The following GMDS variants were observed in gnomAD, a reference collection of about 807,000 sequenced individuals.
GMDS encodes GDP-mannose 4,6 dehydratase.
In GMDS, 20 loss-of-function variants were observed where a neutral mutation model predicts 49.9. The observed-to-expected ratio is 0.40, with a 90% CI of 0.28 to 0.58. The LOEUF (loss-of-function observed/expected upper bound fraction) is 0.58. GMDS is among the 20% of genes least tolerant of loss of function. GMDS has a pLI of 0.42. For missense variants in GMDS, 362 were observed against 481.4 expected, an observed-to-expected ratio of 0.75 and a Z score of 2.32; for synonymous variants, 177 against 178.6, an observed-to-expected ratio of 0.99 and a Z score of 0.07.
At chr6:1,637,504 C>T (rs1395162156) in intron 9 of GMDS, among the ~76,000 whole-genome samples, 1 of 152,244 alleles carries the variant, frequency 6.6e-6, no homozygotes, top group Non-Finnish European at 1.5e-5. Context: ...GGTGCTTATG[C>T]TCTCTCGTGG....
intron 2 of GMDS, among the ~76,000 whole-genome samples, chr6:2,120,648 T>A (rs900129936): frequency 2.0e-5 from 3 of 152,200 alleles, no homozygotes; most frequent in Non-Finnish European, 4.4e-5. Context: ...ACTTCTCTGG[T>A]TTTCCTCTGT....
At chr6:1,774,803 G>C (rs533546062) in intron 7 of GMDS, among the ~76,000 whole-genome samples, 17 of 152,354 alleles carry the variant, frequency 1.1e-4, no homozygotes, top group East Asian at 7.7e-4. Flanking sequence ...TCATCTGATT[G>C]AATCAGTGTG....
At chr6:1,991,829 G>A (rs1182228037) in intron 4 of GMDS, among the ~76,000 whole-genome samples, 1 of 152,202 alleles carries the variant, frequency 6.6e-6, no homozygotes, top group East Asian at 1.9e-4. Flanking sequence ...AGTCATACAG[G>A]GGTAGGGTTG....
intron 9 of GMDS, among the ~76,000 whole-genome samples, chr6:1,671,607 T>C (rs1224253942): frequency 6.6e-6 from 1 of 151,992 alleles, no homozygotes; most frequent in Non-Finnish European, 1.5e-5. Flanking sequence ...TCCCTAAGTA[T>C]GTATAAGATA....
intron 7 of GMDS, among the ~76,000 whole-genome samples, chr6:1,858,363 C>T (rs1758033363): frequency 6.6e-6 from 1 of 152,014 alleles, no homozygotes; most frequent in Non-Finnish European, 1.5e-5. Context: ...TGCTGTTAAC[C>T]TTACTTTATA....
rs1318836311 is a variant in GMDS, at chr6:1,833,023, C to A, written c.772-90437G>T. 1.3e-5 allele frequency among the ~76,000 whole-genome samples: 2 copies of A among 151,820 alleles called. No homozygotes were observed. Among genetic ancestry groups the A allele is most frequent in the African/African-American group, 4.8e-5 (2 of 41,310 alleles). On this transcript the variant is annotated intron_variant, in intron 7 of 10. Coordinates refer to ENST00000380815, the MANE Select transcript of GMDS (RefSeq NM_001500.4). This position sits in a 1 kb window ranked among gnomAD's most constrained non-coding sequence, Gnocchi z 4.4. ...TAGTAGCACTGAGTGCAACCACTGT[C>A]AGTTTTGTGGGGTTGGCCTCTGATC...
rs569739083 is a variant in GMDS, at chr6:1,726,866, TAATA to T, written c.891-358_891-355del. ...TCTTGGTCAATTCATTATTATTAAT[TAATA>T]AATTATTATAAATTAATTAATATAA... On this transcript the variant is annotated intron_variant, in intron 8 of 10. Transcript: ENST00000380815. Among the ~76,000 whole-genome samples the T allele has an allele frequency of 1.6e-4, 25 of 151,844 alleles. No homozygotes were observed. In the South Asian group the frequency reaches 4.8e-3, roughly 29 times the overall value.
chr6:1,952,098 C>T, intron 6 of GMDS: 1 of 499,802 alleles, frequency 2.0e-6, no homozygotes, highest in South Asian at 8.6e-5. Flanking sequence ...CCTTGGACAA[C>T]TCAATCTCAT....
chr6:1,991,492 T>TA (rs1361670819), intron 4 of GMDS, among the ~76,000 whole-genome samples: 6 of 152,148 alleles, frequency 3.9e-5, no homozygotes, highest in Non-Finnish European at 8.8e-5. Flanking sequence ...ACCAGGCTCT[T>TA]AGGAGGGTGG....
At chr6:2,239,202 G>A (rs1272169266) in intron 1 of GMDS, among the ~76,000 whole-genome samples, 16 of 151,898 alleles carry the variant, frequency 1.1e-4, no homozygotes, top group East Asian at 5.8e-4. Context: ...GGTAGCGCAC[G>A]CCTGTAATCC....
intron 1 of GMDS, among the ~76,000 whole-genome samples, chr6:2,199,873 A>AT (rs1779430317): frequency 6.6e-6 from 1 of 152,230 alleles, no homozygotes; most frequent in South Asian, 2.1e-4. Flanking sequence ...ATATTTATCA[A>AT]AAATAAATAA....
At chr6:1,709,545 A>T (rs1226422523) in intron 9 of GMDS, among the ~76,000 whole-genome samples, 1 of 152,210 alleles carries the variant, frequency 6.6e-6, no homozygotes, top group African/African-American at 2.4e-5. Context: ...AACATCTCAG[A>T]GGTGACGTGT....
intron 4 of GMDS, among the ~76,000 whole-genome samples, chr6:2,042,616 T>G (rs1014321126): frequency 6.6e-6 from 1 of 152,160 alleles, no homozygotes; most frequent in Non-Finnish European, 1.5e-5. Context: ...CTTAAAAAAT[T>G]TTTTTTAAGT....
intron 7 of GMDS, among the ~76,000 whole-genome samples, chr6:1,795,237 T>C (rs1362869713): frequency 6.6e-6 from 1 of 152,146 alleles, no homozygotes; most frequent in Non-Finnish European, 1.5e-5. Context: ...CAAAAATGAA[T>C]GTATTTTCAT....
intron 7 of GMDS, among the ~76,000 whole-genome samples, chr6:1,913,077 C>A (rs1761152458): frequency 6.6e-6 from 1 of 151,940 alleles, no homozygotes. Flanking sequence ...TAATAACTGA[C>A]CCTTTAAGAA....
intron 1 of GMDS, among the ~76,000 whole-genome samples, chr6:2,140,721 A>G (rs540350074): frequency 6.6e-6 from 1 of 152,332 alleles, no homozygotes; most frequent in Non-Finnish European, 1.5e-5. Context: ...CAATTTAATC[A>G]AGTAAGTCTG....
At chr6:1,701,322 T>C (rs1765538268) in intron 9 of GMDS, among the ~76,000 whole-genome samples, 1 of 152,248 alleles carries the variant, frequency 6.6e-6, no homozygotes, top group South Asian at 2.1e-4. Context: ...ACTGTGTCAT[T>C]ATGTATACAT....
chr6:2,218,758 G>A (rs932615420), intron 1 of GMDS, among the ~76,000 whole-genome samples: 1 of 152,050 alleles, frequency 6.6e-6, no homozygotes, highest in African/African-American at 2.4e-5. Context: ...ATCATTTATT[G>A]AGAGCTATGT....
intron 4 of GMDS, among the ~76,000 whole-genome samples, chr6:1,971,355 T>G (rs1156395625): frequency 6.6e-6 from 1 of 152,166 alleles, no homozygotes; most frequent in African/African-American, 2.4e-5. Context: ...TAACCCCAAT[T>G]TTGTATGATT....
Sources: gnomAD v4.1 joint callset for allele counts (sites outside exome capture counted in the v4.1 genomes callset) on GRCh38, gnomAD v4.1.1 for gene constraint, Gnocchi (gnomAD v3.1) non-coding constraint, MANE v1.5 for transcripts, NCBI Gene and HGNC (gene_info 2026-07-23, HGNC 2026-07-21) for gene names.